The following CAMK1D variants were observed in gnomAD, a reference collection of about 807,000 sequenced individuals.
CAMK1D encodes calcium/calmodulin-dependent protein kinase type 1D.
Under a neutral mutation model 47.7 loss-of-function variants are expected in CAMK1D, and 9 were observed. That is an observed-to-expected ratio of 0.19 (90% CI 0.11 to 0.33). The LOEUF is 0.33. CAMK1D is among the 10% of genes least tolerant of loss of function. The pLI is 1.00. For synonymous variants in CAMK1D, 184 were observed against 184.9 expected, an observed-to-expected ratio of 0.99 and a Z score of 0.04; for missense variants, 291 against 488.7, an observed-to-expected ratio of 0.60 and a Z score of 3.81.
At position 12,768,324 on chromosome 10, in the gene CAMK1D, C is replaced by T. The variant is rs563047016; in HGVS notation, c.439-1349C>T. ...TAGTTCCCAGCTTGACTTTTCCCTC[C>T]GGCTTAGTGATTTTGGGGTCCTGAG... On this transcript the variant is annotated intron_variant, in intron 4 of 10. Transcript: ENST00000619168. 1.3e-4 allele frequency among the ~76,000 whole-genome samples: 20 copies of T among 152,280 alleles called. 1 individual carries two copies. The East Asian group carries it at 1.5e-3, about 12-fold the overall frequency.
chr10:12,534,449 C>T (rs975409269), intron 1 of CAMK1D, among the ~76,000 whole-genome samples: 1 of 152,184 alleles, frequency 6.6e-6, no homozygotes, highest in African/African-American at 2.4e-5. Context: ...TCACTGCTAC[C>T]TCCACCTCCT....
intron 1 of CAMK1D, among the ~76,000 whole-genome samples, chr10:12,481,826 A>AC (rs1344980275): frequency 1.3e-5 from 2 of 152,144 alleles, no homozygotes; most frequent in African/African-American, 4.8e-5. Flanking sequence ...TTCTTGTTGC[A>AC]ATGCCATGGT....
chr10:12,657,270 C>A (rs1840144891), intron 2 of CAMK1D, among the ~76,000 whole-genome samples: 3 of 151,896 alleles, frequency 2.0e-5, no homozygotes, highest in African/African-American at 7.3e-5. Flanking sequence ...ACTAAAAATA[C>A]AAAAATTAGC....
chr10:12,738,171 C>G (rs571072328), intron 3 of CAMK1D, among the ~76,000 whole-genome samples: 1 of 152,214 alleles, frequency 6.6e-6, no homozygotes, highest in East Asian at 1.9e-4. Flanking sequence ...AAATGTCAAA[C>G]TATGAAAAAT....
chr10:12,530,166 C>T (rs1200683725), intron 1 of CAMK1D, among the ~76,000 whole-genome samples: 1 of 152,204 alleles, frequency 6.6e-6, no homozygotes, highest in Non-Finnish European at 1.5e-5. Context: ...GTCTGGCCGG[C>T]TCCCAAGGCC....
chr10:12,520,090 C>T lies in CAMK1D; in HGVS notation c.93-33135C>T, dbSNP rs1441107314. ...GGCTGACCCCCCCCCACCTCCCTCC[C>T]GGACGGGGTGGCTGCCGGGCGGAGA... On this transcript the variant is annotated intron_variant, in intron 1 of 10. Coordinates refer to ENST00000619168, the MANE Select transcript of CAMK1D (RefSeq NM_153498.4). Among the ~76,000 whole-genome samples the T allele has an allele frequency of 8.4e-5, 7 of 83,744 alleles. 1 individual carries two copies. The highest frequency in any genetic ancestry group is 4.7e-5 in the African/African-American group (1 of 21,178). The allele number at this position is 83,744 out of a possible 152,430, so 54.9% of individuals were successfully genotyped here.
At chr10:12,468,686 G>A (rs1220872528) in intron 1 of CAMK1D, among the ~76,000 whole-genome samples, 1 of 152,156 alleles carries the variant, frequency 6.6e-6, no homozygotes, top group Non-Finnish European at 1.5e-5. Context: ...AACCCCCCAT[G>A]ACCCTGCCCT....
At chr10:12,384,184 C>T (rs966846451) in intron 1 of CAMK1D, among the ~76,000 whole-genome samples, 8 of 152,272 alleles carry the variant, frequency 5.3e-5, no homozygotes, top group Admixed American at 5.2e-4. Flanking sequence ...AACTACAAAA[C>T]ATCATTGAAA....
At chr10:12,378,218 C>T (rs1588422458) in intron 1 of CAMK1D, among the ~76,000 whole-genome samples, 1 of 152,234 alleles carries the variant, frequency 6.6e-6, no homozygotes, top group South Asian at 2.1e-4. Flanking sequence ...ACTGCTCTCT[C>T]CGTCTAAAGC....
At chr10:12,722,378 A>C (rs141546189) in intron 3 of CAMK1D, among the ~76,000 whole-genome samples, 4 of 138,580 alleles carry the variant, frequency 2.9e-5, no homozygotes, top group African/African-American at 1.1e-4. Flanking sequence ...CCCAGGAGGC[A>C]GAGCTTGCAA....
intron 3 of CAMK1D, among the ~76,000 whole-genome samples, chr10:12,691,312 G>A (rs946094810): frequency 1.4e-5 from 2 of 147,266 alleles, no homozygotes; most frequent in East Asian, 2.0e-4. Context: ...CTCTGTGGAC[G>A]AGAGAGGTTG....
intron 1 of CAMK1D, among the ~76,000 whole-genome samples, chr10:12,526,179 G>C (rs542549408): frequency 6.6e-6 from 1 of 152,322 alleles, no homozygotes; most frequent in Non-Finnish European, 1.5e-5. Context: ...AAGCAAATCA[G>C]GCTCAGAGGG....
At chr10:12,757,695 C>T (rs1008767443) in intron 3 of CAMK1D, among the ~76,000 whole-genome samples, 19 of 152,120 alleles carry the variant, frequency 1.2e-4, no homozygotes, top group Admixed American at 9.8e-4. Context: ...GGAGGCTGGA[C>T]GTCTGAGATC....
rs531808726 is a variant in CAMK1D at position 12,402,109 on chromosome 10, G to T, written c.92+52199G>T. ...TTTTGAGATGGAGTCTCGCTCTGTC[G>T]CCTTGTGTTTTTAATAGAGACAGGG... On this transcript the variant is annotated intron_variant, in intron 1 of 10. Transcript: ENST00000619168. Among the ~76,000 whole-genome samples, 227 of 151,700 alleles carry T rather than the reference G, an allele frequency of 1.5e-3. 1 individual carries two copies. The highest frequency in any genetic ancestry group is 2.7e-3 in the Non-Finnish European group (186 of 67,930).
intron 4 of CAMK1D, among the ~76,000 whole-genome samples, chr10:12,765,514 C>T (rs1448837843): frequency 2.6e-5 from 4 of 152,228 alleles, no homozygotes; most frequent in Non-Finnish European, 5.9e-5. Flanking sequence ...AGACCCTGCT[C>T]TCTGGCTGTC....
At chr10:12,648,651 A>G (rs1839876118) in intron 2 of CAMK1D, among the ~76,000 whole-genome samples, 3 of 151,974 alleles carry the variant, frequency 2.0e-5, no homozygotes, top group Non-Finnish European at 2.9e-5. Flanking sequence ...TTGTATTTTT[A>G]GTAGAGGTGG....
intron 6 of CAMK1D, among the ~76,000 whole-genome samples, chr10:12,809,617 G>A (rs1832516976): frequency 6.6e-6 from 1 of 152,210 alleles, no homozygotes; most frequent in African/African-American, 2.4e-5. Flanking sequence ...ACAGTGCTAA[G>A]TGAAACAAGC....
chr10:12,711,813 C>T (rs904179391), intron 3 of CAMK1D, among the ~76,000 whole-genome samples: 1 of 152,224 alleles, frequency 6.6e-6, no homozygotes, highest in African/African-American at 2.4e-5. Flanking sequence ...ATGAAGGCAA[C>T]ATTGACAGCA....
Position 12,615,655 on chromosome 10 carries a change from GTTTA to G in CAMK1D, c.225-51077_225-51074del, listed in dbSNP as rs765106500. The stretch of plus-strand genomic sequence containing the variant: ...AGTGCACGTGTTTGTACAGGTATGT[GTTTA>G]TTTGAAAGTGTATTTGTGTATAGGT... On this transcript the variant is annotated intron_variant, in intron 2 of 10. Transcript: ENST00000619168. Among the ~76,000 whole-genome samples the G allele has an allele frequency of 6.1e-5, 9 of 147,580 alleles. 1 individual carries two copies. The South Asian group carries it at 1.3e-3, about 21-fold the overall frequency.
Sources: allele counts gnomAD v4.1 joint callset (sites outside exome capture counted in the v4.1 genomes callset), GRCh38; gene constraint gnomAD v4.1.1; transcripts MANE v1.5; gene names NCBI Gene and HGNC (gene_info 2026-07-23, HGNC 2026-07-21).